The following NRAP variants were observed in gnomAD, a reference collection of about 807,000 sequenced individuals.
NRAP encodes nebulin related anchoring protein.
Under a neutral mutation model 225.9 loss-of-function variants are expected in NRAP, and 189 were observed. The ratio of observed to expected loss-of-function variants is 0.84; its 90% CI spans 0.74 to 0.94. The LOEUF is 0.94. Among genes scored for constraint, NRAP ranks in the 40% least tolerant of loss-of-function variants. The pLI is 0.00. For synonymous variants in NRAP, 769 were observed against 790.7 expected, an observed-to-expected ratio of 0.97 and a Z score of 0.46; for missense variants, 2,176 against 2,168.7, an observed-to-expected ratio of 1.00 and a Z score of -0.07.
intron 34 of NRAP, 116 bp from the exon 35 acceptor site, chr10:113,605,036 C>T: frequency 2.6e-6 from 3 of 1,138,826 alleles, no homozygotes; most frequent in Non-Finnish European, 2.5e-6. Context: ...CACAGTGGGG[C>T]TGGCCTGAGA....
At chr10:113,635,429 G>C (rs1307622175) in intron 14 of NRAP, among the ~76,000 whole-genome samples, 1 of 152,138 alleles carries the variant, frequency 6.6e-6, no homozygotes, top group Non-Finnish European at 1.5e-5. Context: ...AGTTTATTTT[G>C]ATTTATTTGT....
chr10:113,619,180 C>T (rs1027309573), intron 25 of NRAP, among the ~76,000 whole-genome samples: 1 of 152,118 alleles, frequency 6.6e-6, no homozygotes, highest in African/African-American at 2.4e-5. Context: ...CCTGAAGATC[C>T]CTTGGCTGCC....
At chr10:113,662,580 G>T (rs994837161) in intron 3 of NRAP, 99 bp downstream of exon 3, 4 of 753,564 alleles carry the variant, frequency 5.3e-6, no homozygotes, top group Non-Finnish European at 6.9e-6. Context: ...GAGCCACTGT[G>T]CCTGGCTAGA....
At chr10:113,602,996 T>C (rs1846699696) in intron 35 of NRAP, among the ~76,000 whole-genome samples, 1 of 152,160 alleles carries the variant, frequency 6.6e-6, no homozygotes, top group Non-Finnish European at 1.5e-5. Context: ...GACAGGCCCC[T>C]AAAACAAACA....
rs1849997383 is a variant in NRAP at position 113,651,896 on chromosome 10, C to T, written c.582G>A (p.Lys194=). ...ANQLASQVEY[K]RGHDERISRF... is the part of the protein sequence containing the mutation. ...TGGAGATGCGTTCATCATGCCCTCT[C>T]TTATACTCCACCTGATGAGAAGACA... The change falls in exon 7 of 42, where the codon AAG becomes AAA. Residue 194 remains lysine, a synonymous_variant. Coordinates refer to ENST00000359988, the MANE Select transcript of NRAP (RefSeq NM_198060.4). 1.9e-6 allele frequency: 3 copies of T among 1,609,938 alleles called. No individual in the cohort carries two copies. The highest frequency in any genetic ancestry group is 1.1e-5 in the South Asian group (1 of 90,976).
At chr10:113,615,854 C>A in intron 26 of NRAP, 38 bp from the exon 27 acceptor site, 1 of 1,124,418 alleles carries the variant, frequency 8.9e-7, no homozygotes, top group Non-Finnish European at 1.3e-6. Flanking sequence ...AACCTAGACC[C>A]CATTCCATGC....
At chr10:113,606,113 A>G (rs1846947184) in intron 33 of NRAP, 65 bp downstream of exon 33, 1 of 1,184,926 alleles carries the variant, frequency 8.4e-7, no homozygotes, top group African/African-American at 1.5e-5. Flanking sequence ...GTGTTGGGTT[A>G]CTTCACAGAT....
chr10:113,601,196 C>G (rs144204431), intron 35 of NRAP, among the ~76,000 whole-genome samples: 2 of 152,184 alleles, frequency 1.3e-5, no homozygotes, highest in Non-Finnish European at 2.9e-5. Context: ...CGGGCTGGTC[C>G]GAACTGGGCA....
At chr10:113,608,762 A>T (rs775564886) in intron 31 of NRAP, among the ~76,000 whole-genome samples, 2 of 152,226 alleles carry the variant, frequency 1.3e-5, no homozygotes, top group Non-Finnish European at 2.9e-5. Context: ...CTTTGCCATG[A>T]ATGTGAACAT....
Position 113,589,003 on chromosome 10 carries a change from A to C in NRAP, c.5165T>G (p.Val1722Gly), listed in dbSNP as rs879138115. ...CAACAGCAGGGCCTTCTTCTTTTTG[A>C]CGTGCAGAATCTCAGTGGCATCTGG... ...VNPDATEILH[V>G]KKKKALLL The change falls in exon 42 of 42, where the codon GTC (valine) becomes GGC (glycine). Residue 1722 changes from valine (V) to glycine (G), a missense_variant. Coordinates refer to ENST00000359988, the MANE Select transcript of NRAP (RefSeq NM_198060.4). 2.5e-6 allele frequency: 4 copies of C among 1,613,686 alleles called. No individual in the cohort carries two copies. The African/African-American group carries it at 5.3e-5, about 22-fold the overall frequency.
At chr10:113,617,734 C>A (rs551689189) in intron 25 of NRAP, among the ~76,000 whole-genome samples, 181 bp from the exon 26 acceptor site, 1 of 152,202 alleles carries the variant, frequency 6.6e-6, no homozygotes, top group African/African-American at 2.4e-5. Context: ...TTAAGAATAA[C>A]CTCATGTCAA....
At chr10:113,607,693 T>G (rs1847082207) in intron 32 of NRAP, among the ~76,000 whole-genome samples, 1 of 152,182 alleles carries the variant, frequency 6.6e-6, no homozygotes, top group Non-Finnish European at 1.5e-5. Context: ...TAACCAAATC[T>G]CAGCTGACTT....
At chr10:113,607,382 A>T (rs1847038954) in intron 32 of NRAP, among the ~76,000 whole-genome samples, 1 of 130,722 alleles carries the variant, frequency 7.6e-6, no homozygotes, top group South Asian at 2.7e-4. Context: ...AGCCTGGGTG[A>T]AAGAGCGAAA....
At chr10:113,639,943 A>G (rs1849103597) in intron 14 of NRAP, among the ~76,000 whole-genome samples, 3 of 152,242 alleles carry the variant, frequency 2.0e-5, no homozygotes, top group Admixed American at 6.5e-5. Flanking sequence ...AAATGTGCCC[A>G]GCAGGCAAAG....
At chr10:113,631,744 TA>T (rs1167042265) in intron 17 of NRAP, 112 bp downstream of exon 17, 1 of 889,820 alleles carries the variant, frequency 1.1e-6, no homozygotes, top group Non-Finnish European at 1.8e-6. Flanking sequence ...AGAAGAAGAT[TA>T]AAGTATTGCG....
rs74157518 is a variant in NRAP, at chr10:113,657,389, G to A, written c.360+81C>T. The A allele has an allele frequency of 1.4e-4, 107 of 776,546 alleles. No individual in the cohort carries two copies. In the African/African-American group the frequency reaches 1.7e-3, roughly 13 times the overall value. The allele number at this position is 776,546 out of a possible 1,614,324, so 48.1% of individuals were successfully genotyped here. A position where few individuals can be genotyped will look rare whatever the true frequency, so the allele number is the denominator to read the frequency against. ...AAGGAAACCTACTTGGTTTTCTCTA[G>A]AAGTAATAATAATAATACACTCAAT... On this transcript the variant is annotated intron_variant, in intron 4 of 41. Coordinates refer to ENST00000359988, the MANE Select transcript of NRAP (RefSeq NM_198060.4).
At chr10:113,591,114 C>A (rs11575801) in intron 39 of NRAP, among the ~76,000 whole-genome samples, 3 of 152,170 alleles carry the variant, frequency 2.0e-5, no homozygotes, top group Non-Finnish European at 4.4e-5. Context: ...TGATCTACAC[C>A]CCATAGGAGG....
chr10:113,656,264 T>C (rs1290960950), intron 4 of NRAP, among the ~76,000 whole-genome samples: 1 of 152,228 alleles, frequency 6.6e-6, no homozygotes, highest in Non-Finnish European at 1.5e-5. Context: ...TTAATAACTC[T>C]TTAAATCAAT....
intron 1 of NRAP, 42 bp from the exon 2 acceptor site, chr10:113,663,488 C>A: frequency 8.3e-7 from 1 of 1,208,796 alleles, no homozygotes; most frequent in South Asian, 1.2e-5. Flanking sequence ...ACCCTTTTCC[C>A]CCCAGACTCA....
Sources: gnomAD v4.1 joint callset for allele counts (sites outside exome capture counted in the v4.1 genomes callset) on GRCh38, gnomAD v4.1.1 for gene constraint, MANE v1.5 for transcripts, NCBI Gene and HGNC (gene_info 2026-07-23, HGNC 2026-07-21) for gene names.